DUSP22: variants seen among roughly 807,000 people sequenced by gnomAD.
DUSP22 encodes dual specificity phosphatase 22.
DUSP22 carries 24 observed loss-of-function variants against 24.5 expected under a neutral mutation model. The observed-to-expected ratio is 0.98, with a 90% CI of 0.71 to 1.38. The LOEUF (loss-of-function observed/expected upper bound fraction) is 1.38, where lower values mean the gene tolerates loss of function less well. DUSP22 is among the 40% of genes most tolerant of loss of function. The pLI is 0.00. For synonymous variants in DUSP22, 160 were observed against 106.4 expected (o/e 1.50, Z -3.10); for missense variants, 330 against 269.2 (o/e 1.23, Z -1.58).
At chr6:298,811 T>C (rs1757453269) in intron 1 of DUSP22, among the ~76,000 whole-genome samples, 1 of 152,304 alleles carries the variant, frequency 6.6e-6, no homozygotes, top group East Asian at 1.9e-4. Context: ...CTTAGCGTGT[T>C]AGACTCTGGG....
rs1419904948 is a variant in DUSP22, at chr6:337,435, T to C, written c.188+2272T>C. Among the ~76,000 whole-genome samples the C allele has an allele frequency of 2.6e-5, 4 of 152,418 alleles. No homozygotes were observed. The East Asian group carries it at 7.7e-4, about 29-fold the overall frequency. On this transcript the variant is annotated intron_variant, in intron 4 of 6. Transcript: ENST00000419235. ...AGAGTTACAGAAAAGGTAGTTGCAA[T>C]AACAAGTTTTGGTGCCCAGGAAGCC... is the stretch of plus-strand genomic sequence containing the variant.
At chr6:294,642 C>G (rs771856052) in intron 1 of DUSP22, among the ~76,000 whole-genome samples, 1 of 152,284 alleles carries the variant, frequency 6.6e-6, no homozygotes, top group African/African-American at 2.4e-5. Context: ...TCGGGACCCC[C>G]AGATCACTTA....
At chr6:339,516 A>G (rs1380982229) in intron 4 of DUSP22, among the ~76,000 whole-genome samples, 6 of 152,420 alleles carry the variant, frequency 3.9e-5, no homozygotes, top group Admixed American at 3.9e-4. Flanking sequence ...GGCATTTTGT[A>G]CTTTGACATC....
rs2102546 is a variant in DUSP22, at chr6:348,482, T to A, written c.435+208T>A. 2.2e-5 allele frequency: 20 copies of A among 893,918 alleles called. No homozygotes were observed. The African/African-American group carries it at 3.4e-4, about 15-fold the overall frequency. The allele number at this position is 893,918 out of a possible 1,614,324, so 55.4% of individuals were successfully genotyped here. On this transcript the variant is annotated intron_variant, in intron 6 of 6. Coordinates refer to ENST00000419235, the MANE Select transcript of DUSP22 (RefSeq NM_001286555.3). Reference sequence around the variant, plus strand: ...AGCCACAGGCGCCTACCCTTTGTCATTCTCCTTGTGCCTGGTACTCCCTAC... The same window carrying A: ...AGCCACAGGCGCCTACCCTTTGTCAATCTCCTTGTGCCTGGTACTCCCTAC...
chr6:335,393 T>C (rs1759317505), intron 4 of DUSP22, among the ~76,000 whole-genome samples: 1 of 152,304 alleles, frequency 6.6e-6, no homozygotes. Context: ...GAGAGACTCA[T>C]GGGCTGTCCA....
At chr6:340,630 C>T (rs1759565874) in intron 4 of DUSP22, among the ~76,000 whole-genome samples, 1 of 152,300 alleles carries the variant, frequency 6.6e-6, no homozygotes, top group African/African-American at 2.4e-5. Flanking sequence ...TTGTCCTTTG[C>T]TTTCATTTGC....
chr6:305,829 C>G (rs976499677), intron 2 of DUSP22, among the ~76,000 whole-genome samples: 2 of 152,306 alleles, frequency 1.3e-5, no homozygotes, highest in African/African-American at 4.8e-5. Flanking sequence ...GCAGCTAATG[C>G]TCCTCCCTTC....
intron 1 of DUSP22, among the ~76,000 whole-genome samples, chr6:294,725 G>A (rs773073854): frequency 1.3e-5 from 2 of 152,274 alleles, no homozygotes; most frequent in Non-Finnish European, 2.9e-5. Flanking sequence ...TGGAGTACTC[G>A]ATAGTCACTG....
intron 4 of DUSP22, among the ~76,000 whole-genome samples, chr6:335,477 G>A (rs1474058239): frequency 3.3e-5 from 5 of 152,294 alleles, no homozygotes; most frequent in Non-Finnish European, 4.4e-5. Flanking sequence ...AAATAAAACC[G>A]TGAAGGATTT....
Position 349,752 on chromosome 6 carries a change from C to A in DUSP22, c.*801C>A. ...CACCAGGCTGAGGGTTCCCTAGCGC[C>A]TTGAGTCAAGGCCACTTTTCAGCCC... On this transcript the variant is annotated 3_prime_UTR_variant, in exon 7 of 7. Transcript: ENST00000419235. 1 of 986,052 alleles carries A rather than the reference C, an allele frequency of 1.0e-6. No homozygotes were observed. The highest frequency in any genetic ancestry group is 1.2e-6 in the Non-Finnish European group (1 of 830,332). 61.1% of individuals were successfully genotyped at this position (986,052 alleles called of 1,614,324 possible).
intron 4 of DUSP22, among the ~76,000 whole-genome samples, chr6:343,099 G>C (rs561964752): frequency 6.6e-6 from 1 of 152,308 alleles, no homozygotes; most frequent in Non-Finnish European, 1.5e-5. Flanking sequence ...AGTGTCCTTC[G>C]GCACTGATAC....
intron 1 of DUSP22, among the ~76,000 whole-genome samples, chr6:304,245 G>A (rs1208543886): frequency 6.6e-6 from 1 of 152,310 alleles, no homozygotes; most frequent in African/African-American, 2.4e-5. Context: ...GGGCGGGAGT[G>A]TAACCGCCTG....
At chr6:297,164 T>G (rs1251233783) in intron 1 of DUSP22, among the ~76,000 whole-genome samples, 1 of 152,300 alleles carries the variant, frequency 6.6e-6, no homozygotes, top group East Asian at 1.9e-4. Context: ...GCTTCAGGAT[T>G]TTTTTCCTTC....
At chr6:292,604 C>T in intron 1 of DUSP22, 44 bp downstream of exon 1, 3 of 1,577,486 alleles carry the variant, frequency 1.9e-6, no homozygotes, top group Non-Finnish European at 2.6e-6. Flanking sequence ...TCCGCTCCGA[C>T]GCCCTGCCGT....
At chr6:315,368 CA>C (rs1330301314) in intron 3 of DUSP22, among the ~76,000 whole-genome samples, 10 of 152,288 alleles carry the variant, frequency 6.6e-5, no homozygotes, top group Admixed American at 2.6e-4. Flanking sequence ...ATTGGGTGGA[CA>C]AAAACCTGGA....
chr6:322,793 C>G (rs1758660952), intron 3 of DUSP22, among the ~76,000 whole-genome samples: 1 of 134,306 alleles, frequency 7.4e-6, no homozygotes. Context: ...AAGAGGACAT[C>G]TAGTCCAGGG....
chr6:296,535 T>TG (rs1757336749), intron 1 of DUSP22, among the ~76,000 whole-genome samples: 2 of 152,300 alleles, frequency 1.3e-5, no homozygotes, highest in South Asian at 4.1e-4. Context: ...TGCATGCAAA[T>TG]GTCGTGTTCC....
At chr6:311,838 T>C (rs2127398106) in intron 2 of DUSP22, 42 bp from the exon 3 acceptor site, 2 of 1,590,328 alleles carry the variant, frequency 1.3e-6, no homozygotes, top group East Asian at 4.5e-5. Flanking sequence ...GTAATTAACT[T>C]GCAAAGATAT....
chr6:340,052 A>C (rs879944246), intron 4 of DUSP22, among the ~76,000 whole-genome samples: 14 of 152,308 alleles, frequency 9.2e-5, no homozygotes, highest in African/African-American at 1.4e-4. Context: ...GTTTAGTCTT[A>C]GATTATGTCC....
Sources: allele counts gnomAD v4.1 joint callset (sites outside exome capture counted in the v4.1 genomes callset), GRCh38; gene constraint gnomAD v4.1.1; transcripts MANE v1.5; gene names NCBI Gene and HGNC (gene_info 2026-07-23, HGNC 2026-07-21).